Variants in CDH20 observed in about 807,000 individuals in gnomAD.
CDH20 encodes the protein cadherin 20, also known as cadherin-20.
A neutral mutation model predicts 74.2 loss-of-function variants in CDH20; 29 were observed. That is an observed-to-expected ratio of 0.39 (90% CI 0.29 to 0.53). The LOEUF (loss-of-function observed/expected upper bound fraction) is 0.53, where lower values mean the gene tolerates loss of function less well. Among genes scored for constraint, CDH20 ranks in the 20% least tolerant of loss-of-function variants. The probability of loss-of-function intolerance (pLI) is 0.69; values close to 1 mark genes in which losing one functional copy is unlikely to be tolerated. For missense variants in CDH20, 988 were observed against 1,048.3 expected (o/e 0.94, Z 0.79); for synonymous variants, 469 against 405.4 (o/e 1.16, Z -1.88).
At chr18:61,449,270 A>C (rs1450027058) in intron 1 of CDH20, among the ~76,000 whole-genome samples, 2 of 152,190 alleles carry the variant, frequency 1.3e-5, no homozygotes, top group African/African-American at 4.8e-5. Flanking sequence ...GAAAGCATAA[A>C]GGTGACTTTT....
intron 1 of CDH20, chr18:61,391,448 A>G (rs927949205): frequency 6.6e-6 from 1 of 152,200 alleles, no homozygotes; most frequent in Non-Finnish European, 1.5e-5. Flanking sequence ...CAATTAATAC[A>G]TAATACAATT....
At chr18:61,439,897 T>C (rs1908969849) in intron 1 of CDH20, among the ~76,000 whole-genome samples, 1 of 152,118 alleles carries the variant, frequency 6.6e-6, no homozygotes, top group Admixed American at 6.6e-5. Flanking sequence ...TTCAAAGAAT[T>C]TATGTTTCAG....
chr18:61,507,598 G>A (rs1911619715), intron 6 of CDH20, 38 bp downstream of exon 6: 2 of 1,464,432 alleles, frequency 1.4e-6, no homozygotes, highest in East Asian at 4.6e-5. Context: ...TTTCATGGGT[G>A]CTTTGAATGT....
intron 1 of CDH20, among the ~76,000 whole-genome samples, chr18:61,377,600 G>T (rs1911282795): frequency 6.6e-6 from 1 of 151,510 alleles, no homozygotes. Flanking sequence ...AAATTAAAAT[G>T]AACTAAAATT....
rs930745092 is a variant in CDH20 at position 61,499,365 on chromosome 18, C to T, written c.426C>T (p.Gly142=). The stretch of plus-strand genomic sequence containing the variant: ...CTCAAGCCCTAGACAGGCGGACGGG[C>T]AGGCCAATGGAGCCCGAGTCAGAGT... ...LRAQALDRRT[G]RPMEPESEFI... is the part of the protein sequence containing the mutation. Residue 142 remains glycine (G), a synonymous_variant, in exon 3 of 12, where the codon GGC becomes GGT. Transcript: ENST00000262717. 1 of 1,614,080 alleles carries T rather than the reference C, an allele frequency of 6.2e-7. No individual in the cohort carries two copies. The highest frequency in any genetic ancestry group is 1.1e-5 in the South Asian group (1 of 91,062).
rs980890014 is a variant in CDH20 at position 61,442,973 on chromosome 18, A to G, written c.-152-47429A>G. ...CTTACTAGTGATTTTGCTGTGAGTGAAAGAGCGTACGCATATTCATCTTTC... is the reference window on the plus strand; with the variant it reads ...CTTACTAGTGATTTTGCTGTGAGTGGAAGAGCGTACGCATATTCATCTTTC... On this transcript the variant is annotated intron_variant, in intron 1 of 11. Coordinates refer to ENST00000262717, the MANE Select transcript of CDH20 (RefSeq NM_031891.4). 2.0e-5 allele frequency among the ~76,000 whole-genome samples: 3 copies of G among 151,886 alleles called. No homozygotes were observed. The East Asian group carries it at 5.8e-4, about 29-fold the overall frequency.
chr18:61,538,948 A>G (rs1568182473), intron 8 of CDH20, 76 bp from the exon 9 acceptor site: 1 of 1,521,896 alleles, frequency 6.6e-7, no homozygotes, highest in Non-Finnish European at 8.9e-7. Flanking sequence ...ACCGACTTCT[A>G]GCAAAAACCA....
rs1208966338 is a variant in CDH20, at chr18:61,490,810, C to T, written c.246+11C>T. 1.9e-6 allele frequency: 3 copies of T among 1,613,142 alleles called. No individual in the cohort carries two copies. Among genetic ancestry groups the T allele is most frequent in the Non-Finnish European group, 2.5e-6 (3 of 1,179,346 alleles). ...TTGTATGTCGGCAAGGTAAGAAATG[C>T]CAAGTAGAAATGACCCGGGTATTGG... On this transcript the variant is annotated intron_variant, in intron 2 of 11. Transcript: ENST00000262717.
At chr18:61,550,369 C>CA (rs925250798) in intron 11 of CDH20, 140 bp downstream of exon 11, 19 of 1,018,482 alleles carry the variant, frequency 1.9e-5, no homozygotes, top group East Asian at 5.0e-5. Context: ...TGAGGCTGCA[C>CA]AAAAAACAGT....
rs112317030 is a variant in CDH20, at chr18:61,410,997, A to G, written c.-153+77170A>G. Among the ~76,000 whole-genome samples, 251 of 152,228 alleles carry G rather than the reference A, an allele frequency of 1.6e-3. 1 individual carries two copies. The highest frequency in any genetic ancestry group is 5.6e-3 in the African/African-American group (233 of 41,558). ...GGGCGGATCACAAGGTCAGGAGATC[A>G]AGACCATCCTGGTTAACACGGTGAA... is the stretch of plus-strand genomic sequence containing the variant. On this transcript the variant is annotated intron_variant, in intron 1 of 11. Coordinates refer to ENST00000262717, the MANE Select transcript of CDH20 (RefSeq NM_031891.4).
At chr18:61,497,333 G>A (rs979966851) in intron 2 of CDH20, among the ~76,000 whole-genome samples, 3 of 152,168 alleles carry the variant, frequency 2.0e-5, no homozygotes, top group Admixed American at 6.5e-5. Flanking sequence ...CTCAAAGCCA[G>A]CCACAACCTC....
At chr18:61,347,311 T>C (rs1254161970) in intron 1 of CDH20, among the ~76,000 whole-genome samples, 801 of 75,976 alleles carry the variant, frequency 0.011, 14 homozygotes, top group African/African-American at 0.041. Context: ...TATATATATA[T>C]ATATATATAC....
At chr18:61,512,545 GCA>G (rs1364553434) in intron 6 of CDH20, among the ~76,000 whole-genome samples, 2 of 131,340 alleles carry the variant, frequency 1.5e-5, no homozygotes, top group African/African-American at 2.7e-5. Flanking sequence ...ACTCTCGTAG[GCA>G]CAGTTAGACA....
chr18:61,467,883 T>C (rs766933740), intron 1 of CDH20, among the ~76,000 whole-genome samples: 5 of 152,210 alleles, frequency 3.3e-5, no homozygotes, highest in Non-Finnish European at 5.9e-5. Context: ...ATAACTAGTA[T>C]CTATTGAGCA....
chr18:61,487,243 AC>A (rs1910799609), intron 1 of CDH20, among the ~76,000 whole-genome samples: 1 of 152,160 alleles, frequency 6.6e-6, no homozygotes, highest in Non-Finnish European at 1.5e-5. Context: ...CAATTAGCCC[AC>A]CCCAAACACA....
At position 61,499,444 on chromosome 18, in the gene CDH20, C is replaced by A; in HGVS notation, c.505C>A (p.Pro169Thr). Reference protein sequence around the residue: ...NDNEPKFLDGPYVATVPEMSP... With the variant: ...NDNEPKFLDGTYVATVPEMSP... ...CAATGAGCCCAAGTTCCTGGACGGA[C>A]CTTATGTGGCCACTGTGCCAGAAAT... The change falls in exon 3 of 12, where the codon CCT (proline) becomes ACT (threonine). Residue 169 changes from proline (P) to threonine (T), a missense_variant. Transcript: ENST00000262717. 6.2e-7 allele frequency: 1 copy of A among 1,610,718 alleles called. No individual in the cohort carries two copies. The highest frequency in any genetic ancestry group is 1.3e-5 in the African/African-American group (1 of 74,936).
intron 6 of CDH20, among the ~76,000 whole-genome samples, chr18:61,524,340 C>A (rs1912312349): frequency 6.6e-6 from 1 of 152,190 alleles, no homozygotes; most frequent in Admixed American, 6.5e-5. Context: ...CTTTCATATA[C>A]TCCTGGTGGG....
chr18:61,437,943 C>T (rs1180775273), intron 1 of CDH20, among the ~76,000 whole-genome samples: 1 of 152,124 alleles, frequency 6.6e-6, no homozygotes, highest in East Asian at 1.9e-4. Flanking sequence ...GCCTAAATTA[C>T]TTTCATTTAA....
intron 1 of CDH20, among the ~76,000 whole-genome samples, chr18:61,419,711 T>C (rs1243453558): frequency 6.6e-6 from 1 of 152,190 alleles, no homozygotes; most frequent in Non-Finnish European, 1.5e-5. Context: ...GTCATGATTT[T>C]CACACCTTCC....
Sources: allele counts gnomAD v4.1 joint callset (sites outside exome capture counted in the v4.1 genomes callset), GRCh38; gene constraint gnomAD v4.1.1; transcripts MANE v1.5; gene names NCBI Gene and HGNC (gene_info 2026-07-23, HGNC 2026-07-21).